CEBPB: variants seen among roughly 807,000 people sequenced by gnomAD.
CEBPB encodes the protein CCAAT enhancer binding protein beta.
For synonymous variants in CEBPB, 295 were observed against 267.1 expected, an observed-to-expected ratio of 1.10 and a Z score of -1.02; for missense variants, 498 against 533.1, an observed-to-expected ratio of 0.93 and a Z score of 0.65.
Position 50,191,045 on chromosome 20 carries a change from G to T in CEBPB, c.12G>T (p.Leu4=), listed in dbSNP as rs772764205. ...GGGCACCCGCGTTCATGCAACGCCT[G>T]GTGGCCTGGGACCCAGCATGTCTCC... MQR[L]VAWDPACLPL... is the part of the protein sequence containing the mutation. Residue 4 remains leucine, a synonymous_variant, in exon 1 of 1, where the codon CTG becomes CTT. Transcript: ENST00000303004. The T allele has an allele frequency of 1.9e-5, 29 of 1,538,612 alleles. No homozygotes were observed. Among genetic ancestry groups the T allele is most frequent in the Non-Finnish European group, 2.5e-5 (29 of 1,150,824 alleles).
chr20:50,192,229 A>T lies in CEBPB; in HGVS notation c.*158A>T. Reference sequence around the variant, plus strand: ...CCGTCGGTAATTTTAATATTTTATTATATATATATATCTATATTTTTGTCC... The same window carrying T: ...CCGTCGGTAATTTTAATATTTTATTTTATATATATATCTATATTTTTGTCC... On this transcript the variant is annotated 3_prime_UTR_variant, in exon 1 of 1. Transcript: ENST00000303004. 3 of 310,042 alleles carry T rather than the reference A, an allele frequency of 9.7e-6. No homozygotes were observed. Among genetic ancestry groups the T allele is most frequent in the South Asian group, 1.4e-4 (1 of 7,076 alleles). The allele number at this position is 310,042 out of a possible 1,614,324, so 19.2% of individuals were successfully genotyped here. A position where few individuals can be genotyped will look rare whatever the true frequency, so the allele number is the denominator to read the frequency against.
In CEBPB at chr20:50,191,530, C is replaced by A; in HGVS notation, c.497C>A (p.Pro166Gln). The A allele has an allele frequency of 7.6e-7, 1 of 1,309,756 alleles. No homozygotes were observed. Among genetic ancestry groups the A allele is most frequent in the Non-Finnish European group, 9.7e-7 (1 of 1,034,944 alleles). 81.1% of individuals were successfully genotyped at this position (1,309,756 alleles called of 1,614,324 possible). Residue 166 changes from proline (P) to glutamine (Q), a missense_variant, in exon 1 of 1, where the codon CCG (proline) becomes CAG (glutamine). Pro to Gln is a moderately conservative substitution (Grantham distance 76, BLOSUM62 -1). Transcript: ENST00000303004. ...CFAPLHPPPP[P>Q]PPPPAELKAE... ...GCGCCCCTGCACCCACCGCCCCCGC[C>A]GCCGCCGCCGCCCGCCGAGCTCAAG...
At chr20:50,190,789 A>C, upstream of CEBPB, 2 of 347,546 alleles carry the variant, frequency 5.8e-6, no homozygotes, top group Non-Finnish European at 5.1e-6. Context: ...AGCGGTTGCT[A>C]CGGGCCGCCC....
At position 50,191,850 on chromosome 20, in the gene CEBPB, G is replaced by A; in HGVS notation, c.817G>A (p.Glu273Lys). The change falls in exon 1 of 1, where the codon GAG (glutamate) becomes AAG (lysine). Residue 273 changes from glutamate to lysine, a missense_variant. Physicochemically the swap from Glu to Lys is moderately conservative, Grantham distance 56. Transcript: ENST00000303004. ...AKKTVDKHSD[E>K]YKIRRERNNI... is the part of the protein sequence containing the mutation. ...GAAGACCGTGGACAAGCACAGCGACGAGTACAAGATCCGGCGCGAGCGCAA... is the reference window on the plus strand; with the variant it reads ...GAAGACCGTGGACAAGCACAGCGACAAGTACAAGATCCGGCGCGAGCGCAA... The A allele has an allele frequency of 6.2e-7, 1 of 1,607,416 alleles. No homozygotes were observed. The highest frequency in any genetic ancestry group is 8.5e-7 in the Non-Finnish European group (1 of 1,177,228).
rs2081570312 is a variant in CEBPB at position 50,190,884 on chromosome 20, C to T, written c.-150C>T. On this transcript the variant is annotated 5_prime_UTR_variant, in exon 1 of 1. Transcript: ENST00000303004. The stretch of plus-strand genomic sequence containing the variant: ...AAGGGGACCCACCCGAGGGTCCAGC[C>T]ACCAGCCCCCTCACTAATAGCGGCC... The T allele has an allele frequency of 4.1e-5, 41 of 1,000,562 alleles. 1 individual carries two copies. The South Asian group carries it at 9.4e-4, about 23-fold the overall frequency. The allele number at this position is 1,000,562 out of a possible 1,614,324, so 62.0% of individuals were successfully genotyped here. A position where few individuals can be genotyped will look rare whatever the true frequency, so the allele number is the denominator to read the frequency against.
At position 50,191,417 on chromosome 20, in the gene CEBPB, CA is replaced by C; in HGVS notation, c.386del (p.Lys129ArgfsTer12). 6.6e-7 allele frequency: 1 copy of C among 1,522,662 alleles called. No individual in the cohort carries two copies. Among genetic ancestry groups the C allele is most frequent in the Non-Finnish European group, 8.8e-7 (1 of 1,132,870 alleles). The allele number at this position is 1,522,662 out of a possible 1,614,324, so 94.3% of individuals were successfully genotyped here. On this transcript the variant is annotated frameshift_variant, in exon 1 of 1. Coordinates refer to ENST00000303004, the MANE Select transcript of CEBPB (RefSeq NM_005194.4). LOFTEE classifies it low-confidence loss of function (END_TRUNC). ...SDLFSDDYGG[K>X]NCKKPAEYGY... ...ACCTCTTCTCCGACGACTACGGGGG[CA>C]AGAACTGCAAGAAGCCGGCCGAGTA...
chr20:50,190,750 C>T, upstream of CEBPB: 1 of 281,280 alleles, frequency 3.6e-6, no homozygotes, highest in Non-Finnish European at 6.6e-6. Context: ...CGCGTCCCGG[C>T]GGCGCGGCGG....
Position 50,191,713 on chromosome 20 carries a change from C to G in CEBPB, c.680C>G (p.Ser227Cys). ...GGCAGCAGCGGGAGCCTCTCCACGT[C>G]CTCCTCGTCCAGCCCGCCCGGCACG... ...PSGSSGSLSTSSSSSPPGTPS... is the reference protein window; with the variant it reads ...PSGSSGSLSTCSSSSPPGTPS... The change falls in exon 1 of 1, where the codon TCC becomes TGC. Residue 227 changes from serine (S) to cysteine (C), a missense_variant. Physicochemically the swap from Ser to Cys is moderately radical, Grantham distance 112. Coordinates refer to ENST00000303004, the MANE Select transcript of CEBPB (RefSeq NM_005194.4). 1 of 1,503,414 alleles carries G rather than the reference C, an allele frequency of 6.7e-7. No homozygotes were observed. Among genetic ancestry groups the G allele is most frequent in the Non-Finnish European group, 8.8e-7 (1 of 1,133,668 alleles). The allele number at this position is 1,503,414 out of a possible 1,614,324, so 93.1% of individuals were successfully genotyped here. A position where few individuals can be genotyped will look rare whatever the true frequency, so the allele number is the denominator to read the frequency against.
At position 50,190,999 on chromosome 20, in the gene CEBPB, G is replaced by T. The variant is rs771243566; in HGVS notation, c.-35G>T. The T allele has an allele frequency of 1.4e-6, 2 of 1,456,738 alleles. No individual in the cohort carries two copies. The highest frequency in any genetic ancestry group is 2.4e-5 in the Admixed American group (1 of 41,022). The allele number at this position is 1,456,738 out of a possible 1,614,324, so 90.2% of individuals were successfully genotyped here. On this transcript the variant is annotated 5_prime_UTR_variant, in exon 1 of 1. Transcript: ENST00000303004. Reference sequence around the variant, plus strand: ...GCCACCTGCGGGCCGGCCGGAGCGGGCAGCCCCAGGCCCCCTCCCCGGGCA... The same window carrying T: ...GCCACCTGCGGGCCGGCCGGAGCGGTCAGCCCCAGGCCCCCTCCCCGGGCA...
Position 50,191,678 on chromosome 20 carries a change from G to A in CEBPB, c.645G>A (p.Ala215=). The change falls in exon 1 of 1, where the codon GCG becomes GCA. Residue 215 remains alanine (A), a synonymous_variant. Transcript: ENST00000303004. ...YALRAYLGYQ[A]VPSGSSGSLS... ...TGCGCGCTTACCTCGGCTACCAGGC[G>A]GTGCCGAGCGGCAGCAGCGGGAGCC... 7.0e-7 allele frequency: 1 copy of A among 1,438,480 alleles called. No individual in the cohort carries two copies. The highest frequency in any genetic ancestry group is 9.0e-7 in the Non-Finnish European group (1 of 1,107,614). The allele number at this position is 1,438,480 out of a possible 1,614,324, so 89.1% of individuals were successfully genotyped here. A position where few individuals can be genotyped will look rare whatever the true frequency, so the allele number is the denominator to read the frequency against.
At position 50,191,542 on chromosome 20, in the gene CEBPB, C is replaced by A; in HGVS notation, c.509C>A (p.Pro170His). The change falls in exon 1 of 1, where the codon CCC (proline) becomes CAC (histidine). Residue 170 changes from proline (P) to histidine (H), a missense_variant. By Grantham distance (77) the Pro-to-His change is moderately conservative. Coordinates refer to ENST00000303004, the MANE Select transcript of CEBPB (RefSeq NM_005194.4). ...LHPPPPPPPP[P>H]AELKAEPGFE... ...CCACCGCCCCCGCCGCCGCCGCCGCCCGCCGAGCTCAAGGCGGAGCCGGGC... is the reference window on the plus strand; with the variant it reads ...CCACCGCCCCCGCCGCCGCCGCCGCACGCCGAGCTCAAGGCGGAGCCGGGC... 2 of 1,319,298 alleles carry A rather than the reference C, an allele frequency of 1.5e-6. No individual in the cohort carries two copies. The highest frequency in any genetic ancestry group is 1.9e-6 in the Non-Finnish European group (2 of 1,040,234). 81.7% of individuals were successfully genotyped at this position (1,319,298 alleles called of 1,614,324 possible).
Position 50,192,267 on chromosome 20 carries a change from C to T in CEBPB, c.*196C>T, listed in dbSNP as rs1297543062. The T allele has an allele frequency of 4.4e-6, 1 of 226,714 alleles. No individual in the cohort carries two copies. The highest frequency in any genetic ancestry group is 1.2e-4 in the East Asian group (1 of 8,044). The allele number at this position is 226,714 out of a possible 1,614,324, so 14.0% of individuals were successfully genotyped here. A position where few individuals can be genotyped will look rare whatever the true frequency, so the allele number is the denominator to read the frequency against. On this transcript the variant is annotated 3_prime_UTR_variant, in exon 1 of 1. Coordinates refer to ENST00000303004, the MANE Select transcript of CEBPB (RefSeq NM_005194.4). ...TATATTTTTGTCCAAACCAACCGCA[C>T]ATGCAGATGGGGCTCCCGCCCGTGG...
chr20:50,191,008 G>A lies in CEBPB; in HGVS notation c.-26G>A, dbSNP rs1204526247. The A allele has an allele frequency of 2.1e-5, 32 of 1,490,086 alleles. No individual in the cohort carries two copies. Among genetic ancestry groups the A allele is most frequent in the Non-Finnish European group, 2.8e-5 (31 of 1,125,850 alleles). 92.3% of individuals were successfully genotyped at this position (1,490,086 alleles called of 1,614,324 possible). On this transcript the variant is annotated 5_prime_UTR_variant, in exon 1 of 1. Coordinates refer to ENST00000303004, the MANE Select transcript of CEBPB (RefSeq NM_005194.4). ...GGGCCGGCCGGAGCGGGCAGCCCCA[G>A]GCCCCCTCCCCGGGCACCCGCGTTC...
Position 50,191,258 on chromosome 20 carries a change from C to A in CEBPB, c.225C>A (p.Phe75Leu). The A allele has an allele frequency of 7.8e-7, 1 of 1,286,412 alleles. No individual in the cohort carries two copies. The highest frequency in any genetic ancestry group is 9.8e-7 in the Non-Finnish European group (1 of 1,016,152). The allele number at this position is 1,286,412 out of a possible 1,614,324, so 79.7% of individuals were successfully genotyped here. ...SIGDHERAID[F>L]SPYLEPLGAP... ...GCGACCACGAGCGCGCCATCGACTT[C>A]AGCCCGTACCTGGAGCCGCTGGGCG... The change falls in exon 1 of 1, where the codon TTC (phenylalanine) becomes TTA (leucine). Residue 75 changes from phenylalanine to leucine, a missense_variant. Transcript: ENST00000303004.
rs1601258799 is a variant in CEBPB, at chr20:50,192,197, G to A, written c.*126G>A. The A allele has an allele frequency of 4.8e-6, 3 of 625,928 alleles. No individual in the cohort carries two copies. In the Admixed American group the frequency reaches 1.4e-4, roughly 30 times the overall value. 38.8% of individuals were successfully genotyped at this position (625,928 alleles called of 1,614,324 possible). On this transcript the variant is annotated 3_prime_UTR_variant, in exon 1 of 1. Coordinates refer to ENST00000303004, the MANE Select transcript of CEBPB (RefSeq NM_005194.4). ...TTGGCACTGGGGCACTTGGCAGCGC[G>A]GGGAGCCCGTCGGTAATTTTAATAT... is the stretch of plus-strand genomic sequence containing the variant.
At chr20:50,190,756 G>T, upstream of CEBPB, 1 of 290,922 alleles carries the variant, frequency 3.4e-6, no homozygotes. Flanking sequence ...CCGGCGGCGC[G>T]GCGGGAGGGG....
In CEBPB at chr20:50,191,062, C is replaced by G. The variant is rs759182476; in HGVS notation, c.29C>G (p.Ala10Gly). The G allele has an allele frequency of 6.4e-7, 1 of 1,553,394 alleles. No homozygotes were observed. Among genetic ancestry groups the G allele is most frequent in the Non-Finnish European group, 8.6e-7 (1 of 1,157,574 alleles). ...CAACGCCTGGTGGCCTGGGACCCAG[C>G]ATGTCTCCCCCTGCCGCCGCCGCCG... is the stretch of plus-strand genomic sequence containing the variant. MQRLVAWDP[A>G]CLPLPPPPPA... The change falls in exon 1 of 1, where the codon GCA becomes GGA. Residue 10 changes from alanine to glycine, a missense_variant. Ala to Gly is a moderately conservative substitution (Grantham distance 60). Coordinates refer to ENST00000303004, the MANE Select transcript of CEBPB (RefSeq NM_005194.4).
chr20:50,192,188 T>G lies in CEBPB; in HGVS notation c.*117T>G, dbSNP rs971345491. ...GGCAAAACTTTGGCACTGGGGCACT[T>G]GGCAGCGCGGGGAGCCCGTCGGTAA... On this transcript the variant is annotated 3_prime_UTR_variant, in exon 1 of 1. Transcript: ENST00000303004. 1.3e-6 allele frequency: 1 copy of G among 757,010 alleles called. No individual in the cohort carries two copies. The highest frequency in any genetic ancestry group is 1.8e-6 in the Non-Finnish European group (1 of 558,584). The allele number at this position is 757,010 out of a possible 1,614,324, so 46.9% of individuals were successfully genotyped here. A position where few individuals can be genotyped will look rare whatever the true frequency, so the allele number is the denominator to read the frequency against.
Position 50,191,403 on chromosome 20 carries a change from G to T in CEBPB, c.370G>T (p.Asp124Tyr). ...HHDFLSDLFS[D>Y]DYGGKNCKKP... ...CGACTTCCTCTCCGACCTCTTCTCC[G>T]ACGACTACGGGGGCAAGAACTGCAA... is the stretch of plus-strand genomic sequence containing the variant. The change falls in exon 1 of 1, where the codon GAC (aspartate) becomes TAC (tyrosine). Residue 124 changes from aspartate to tyrosine, a missense_variant. By Grantham distance (160) the Asp-to-Tyr change is radical. Transcript: ENST00000303004. The T allele has an allele frequency of 2.6e-6, 4 of 1,514,960 alleles. No individual in the cohort carries two copies. Among genetic ancestry groups the T allele is most frequent in the Non-Finnish European group, 3.5e-6 (4 of 1,128,622 alleles). The allele number at this position is 1,514,960 out of a possible 1,614,324, so 93.8% of individuals were successfully genotyped here.
Sources: allele counts gnomAD v4.1 joint callset, GRCh38; gene constraint gnomAD v4.1.1; transcripts MANE v1.5; gene names NCBI Gene and HGNC (gene_info 2026-07-23, HGNC 2026-07-21).